CYP19A1: variants seen among roughly 807,000 people sequenced by gnomAD.
CYP19A1 encodes cytochrome P450 family 19 subfamily A member 1.
A neutral mutation model predicts 44.4 loss-of-function variants in CYP19A1; 32 were observed. The ratio of observed to expected loss-of-function variants is 0.72; its 90% confidence interval spans 0.54 to 0.97. The LOEUF is 0.97. Ranked by LOEUF, CYP19A1 falls within the 50% of genes least tolerant of loss-of-function variation. The pLI is 0.00. For synonymous variants in CYP19A1, 212 were observed against 215.6 expected, an observed-to-expected ratio of 0.98 and a Z score of 0.14; for missense variants, 598 against 637.8, an observed-to-expected ratio of 0.94 and a Z score of 0.67.
At chr15:51,282,597 C>T (rs554924522) in intron 1 of CYP19A1, among the ~76,000 whole-genome samples, 20 of 152,328 alleles carry the variant, frequency 1.3e-4, no homozygotes, top group South Asian at 1.2e-3. Flanking sequence ...CACCTGGACC[C>T]ACTTTCTCTC....
rs117364239 is a variant in CYP19A1 at position 51,334,478 on chromosome 15, G to A, written c.-39+4017C>T. Among the ~76,000 whole-genome samples the A allele has an allele frequency of 2.2e-3, 339 of 152,290 alleles. 1 individual carries two copies. Among genetic ancestry groups the A allele is most frequent in the Non-Finnish European group, 3.9e-3 (263 of 68,012 alleles). On this transcript the variant is annotated intron_variant, in intron 1 of 9. Coordinates refer to ENST00000396402, the MANE Select transcript of CYP19A1 (RefSeq NM_000103.4). ...TTTTATCTTTCAAAAACAGTGGCTCGAGTTCCATAAGTGGAGCTTTGCAGT... is the reference window on the plus strand; with the variant it reads ...TTTTATCTTTCAAAAACAGTGGCTCAAGTTCCATAAGTGGAGCTTTGCAGT...
intron 1 of CYP19A1, among the ~76,000 whole-genome samples, chr15:51,317,273 T>C (rs2036443916): frequency 6.6e-6 from 1 of 151,972 alleles, no homozygotes; most frequent in Non-Finnish European, 1.5e-5. Flanking sequence ...GGCTAATTAT[T>C]ATTTTTTTTG....
At chr15:51,264,031 A>G (rs1243322572) in intron 1 of CYP19A1, among the ~76,000 whole-genome samples, 2 of 152,224 alleles carry the variant, frequency 1.3e-5, no homozygotes, top group Admixed American at 6.5e-5. Flanking sequence ...CACTGTAGGA[A>G]GAACCATGGC....
intron 1 of CYP19A1, among the ~76,000 whole-genome samples, chr15:51,332,204 C>T (rs1233169122): frequency 6.6e-6 from 1 of 151,884 alleles, no homozygotes; most frequent in Non-Finnish European, 1.5e-5. Context: ...TTCATTCTAC[C>T]AGGTCCTTCT....
intron 1 of CYP19A1, among the ~76,000 whole-genome samples, chr15:51,283,629 C>CA (rs1410494625): frequency 3.9e-5 from 6 of 152,114 alleles, no homozygotes; most frequent in East Asian, 1.9e-4. Flanking sequence ...AATTTGGACA[C>CA]AAAAAAGGAA....
chr15:51,240,622 C>T (rs1566889089), intron 2 of CYP19A1, among the ~76,000 whole-genome samples: 1 of 152,132 alleles, frequency 6.6e-6, no homozygotes, highest in Non-Finnish European at 1.5e-5. Flanking sequence ...ATCTTCCCTC[C>T]CCCAACCAGA....
rs182108282 is a variant in CYP19A1 at position 51,325,771 on chromosome 15, G to C, written c.-39+12724C>G. On this transcript the variant is annotated intron_variant, in intron 1 of 9. Transcript: ENST00000396402. ...GAGAATCGCTTGAACCCAGGAGTCA[G>C]AGGTTGCAGTGAGCCAAGATGGCGC... 3.5e-3 allele frequency among the ~76,000 whole-genome samples: 472 copies of C among 134,122 alleles called. 2 individuals carry two copies. Among genetic ancestry groups the C allele is most frequent in the South Asian group, 5.0e-3 (20 of 4,034 alleles). The allele number at this position is 134,122 out of a possible 152,430, so 88.0% of individuals were successfully genotyped here. A position where few individuals can be genotyped will look rare whatever the true frequency, so the allele number is the denominator to read the frequency against.
chr15:51,289,027 G>A (rs769735015), intron 1 of CYP19A1, among the ~76,000 whole-genome samples: 1 of 152,166 alleles, frequency 6.6e-6, no homozygotes, highest in Non-Finnish European at 1.5e-5. Context: ...CGGGGTGTGG[G>A]GTCGTTCTCA....
At chr15:51,322,812 C>T (rs1233165320) in intron 1 of CYP19A1, among the ~76,000 whole-genome samples, 3 of 152,236 alleles carry the variant, frequency 2.0e-5, no homozygotes, top group African/African-American at 7.2e-5. Flanking sequence ...CTCTCAGTTT[C>T]TCTCCCATTG....
At chr15:51,226,816 T>C (rs571261478) in intron 4 of CYP19A1, among the ~76,000 whole-genome samples, 1 of 152,262 alleles carries the variant, frequency 6.6e-6, no homozygotes, top group African/African-American at 2.4e-5. Flanking sequence ...TAAGGAAGCT[T>C]GCAACTGGGT....
At chr15:51,227,534 G>A (rs1337396286) in intron 4 of CYP19A1, among the ~76,000 whole-genome samples, 3 of 151,898 alleles carry the variant, frequency 2.0e-5, no homozygotes, top group Admixed American at 6.6e-5. Context: ...GCCAGGCATG[G>A]TGGTGCACAT....
At chr15:51,234,890 C>G (rs150484460) in intron 3 of CYP19A1, among the ~76,000 whole-genome samples, 1 of 152,028 alleles carries the variant, frequency 6.6e-6, no homozygotes, top group East Asian at 1.9e-4. Context: ...GTGAGAGGCA[C>G]GGCACTGTGC....
intron 1 of CYP19A1, among the ~76,000 whole-genome samples, chr15:51,279,313 G>T (rs116016545): frequency 6.6e-6 from 1 of 152,306 alleles, no homozygotes; most frequent in African/African-American, 2.4e-5. Context: ...ACCCCACTGC[G>T]CAGGAGAGGC....
intron 1 of CYP19A1, among the ~76,000 whole-genome samples, chr15:51,295,930 T>C (rs1473634970): frequency 1.3e-5 from 2 of 152,112 alleles, no homozygotes; most frequent in Non-Finnish European, 2.9e-5. Flanking sequence ...AGAATGTTTC[T>C]GGGAGCACAT....
chr15:51,224,005 A>T (rs1354477833), intron 4 of CYP19A1, among the ~76,000 whole-genome samples: 1 of 152,228 alleles, frequency 6.6e-6, no homozygotes, highest in Non-Finnish European at 1.5e-5. Context: ...CAGTGGTATG[A>T]TGTAGATATG....
At chr15:51,331,786 T>C (rs567786405) in intron 1 of CYP19A1, among the ~76,000 whole-genome samples, 3 of 152,340 alleles carry the variant, frequency 2.0e-5, no homozygotes, top group South Asian at 4.1e-4. Context: ...GCTCTTTACA[T>C]TTCATTTTGC....
intron 1 of CYP19A1, among the ~76,000 whole-genome samples, chr15:51,337,366 C>T (rs1368242889): frequency 6.6e-6 from 1 of 152,248 alleles, no homozygotes; most frequent in Non-Finnish European, 1.5e-5. Flanking sequence ...TGGCCCATAT[C>T]CAACAATACC....
chr15:51,283,247 C>T (rs993276073), intron 1 of CYP19A1, among the ~76,000 whole-genome samples: 15 of 152,244 alleles, frequency 9.9e-5, no homozygotes, highest in African/African-American at 2.2e-4. Flanking sequence ...TTTACTAGCC[C>T]GTTGGCTCCA....
Position 51,210,795 on chromosome 15 carries a change from T to C in CYP19A1, c.*13A>G. 1 of 1,528,698 alleles carries C rather than the reference T, an allele frequency of 6.5e-7. No individual in the cohort carries two copies. Among genetic ancestry groups the C allele is most frequent in the Non-Finnish European group, 9.1e-7 (1 of 1,101,492 alleles). 94.7% of individuals were successfully genotyped at this position (1,528,698 alleles called of 1,614,324 possible). A position where few individuals can be genotyped will look rare whatever the true frequency, so the allele number is the denominator to read the frequency against. ...ATGAGAAATGCTCCAGAGTGGGTAC[T>C]GACCAGCCTTCTCTAGTGTTCCAGA... On this transcript the variant is annotated 3_prime_UTR_variant, in exon 10 of 10. Coordinates refer to ENST00000396402, the MANE Select transcript of CYP19A1 (RefSeq NM_000103.4).
Sources: gnomAD v4.1 joint callset for allele counts (sites outside exome capture counted in the v4.1 genomes callset) on GRCh38, gnomAD v4.1.1 for gene constraint, MANE v1.5 for transcripts, NCBI Gene and HGNC (gene_info 2026-07-23, HGNC 2026-07-21) for gene names.